CIT: variants seen among roughly 807,000 people sequenced by gnomAD.
The protein encoded by CIT is citron Rho-interacting kinase.
CIT carries 79 observed loss-of-function variants against 272.7 expected under a neutral mutation model. That is an observed-to-expected ratio of 0.29 (90% confidence interval 0.24 to 0.35). The LOEUF is 0.35. Among genes scored for constraint, CIT ranks in the 10% least tolerant of loss-of-function variants. CIT has a pLI of 1.00. For missense variants in CIT, 1,909 were observed against 2,618.3 expected (o/e 0.73, Z 5.91); for synonymous variants, 948 against 995.6 (o/e 0.95, Z 0.90).
intron 44 of CIT, chr12:119,699,997 G>A (rs1956462977): frequency 6.7e-6 from 3 of 444,606 alleles, no homozygotes; most frequent in Non-Finnish European, 1.4e-5. Context: ...TCTAACAAGT[G>A]CAAAAAGATT....
intron 3 of CIT, among the ~76,000 whole-genome samples, chr12:119,865,148 A>T (rs1326907337): frequency 6.6e-6 from 1 of 152,244 alleles, no homozygotes. Flanking sequence ...CTCTTCAAAA[A>T]TATGAAACAT....
chr12:119,738,892 A>G lies in CIT; in HGVS notation c.2958+3519T>C, dbSNP rs935486443. Among the ~76,000 whole-genome samples the G allele has an allele frequency of 9.2e-5, 14 of 152,114 alleles. No homozygotes were observed. The South Asian group carries it at 2.7e-3, about 29-fold the overall frequency. On this transcript the variant is annotated intron_variant, in intron 24 of 47. Transcript: ENST00000392521. ...GAGAGAAACTCAATCTCCAGAAAAA[A>G]AAAAAAAAAAGATCTACTCTCAGTG...
intron 10 of CIT, among the ~76,000 whole-genome samples, chr12:119,786,545 C>G (rs1964812520): frequency 6.6e-6 from 1 of 152,184 alleles, no homozygotes; most frequent in Non-Finnish European, 1.5e-5. Context: ...CAGAGCCCAC[C>G]ATTACCCCTG....
chr12:119,761,893 C>T lies in CIT; in HGVS notation c.2305-838G>A, dbSNP rs1430223428. On this transcript the variant is annotated intron_variant, in intron 19 of 47. Coordinates refer to ENST00000392521, the MANE Select transcript of CIT (RefSeq NM_001206999.2). ...GTTCTTTGGGGCACACACAGCCCTA[C>T]GAGTTGCCAAAACAACAAGCAAAAA... Among the ~76,000 whole-genome samples, 6 of 152,210 alleles carry T rather than the reference C, an allele frequency of 3.9e-5. 1 individual carries two copies. In the South Asian group the frequency reaches 1.0e-3, roughly 26 times the overall value.
At position 119,690,187 on chromosome 12, in the gene CIT, C is replaced by A; in HGVS notation, c.6150G>T (p.Ala2050=). The A allele has an allele frequency of 6.7e-7, 1 of 1,487,906 alleles. No homozygotes were observed. The allele number at this position is 1,487,906 out of a possible 1,614,324, so 92.2% of individuals were successfully genotyped here. Residue 2050 remains alanine (A), a synonymous_variant, in exon 47 of 48, where the codon GCG becomes GCT. Coordinates refer to ENST00000392521, the MANE Select transcript of CIT (RefSeq NM_001206999.2). This position sits in a 1 kb window ranked among gnomAD's most constrained non-coding sequence, Gnocchi z 6.0. ...FEDSSRGRLP[A]GAVRTPLSQV... ...GGGACAGCGGGGTCCTCACGGCTCC[C>A]GCAGGCAGCCGGCCCCTGCTGCTGT...
chr12:119,848,851 C>A (rs11064926), intron 5 of CIT, among the ~76,000 whole-genome samples: 6,864 of 152,022 alleles, frequency 0.045, 289 homozygotes, highest in African/African-American at 0.11. Context: ...CATGGCAAAA[C>A]CCCGTCTCTA....
At chr12:119,765,773 A>C (rs951461631) in intron 19 of CIT, among the ~76,000 whole-genome samples, 3 of 152,088 alleles carry the variant, frequency 2.0e-5, no homozygotes, top group Admixed American at 6.6e-5. Flanking sequence ...CACCTAGCCA[A>C]GAAATCCACA....
In CIT at chr12:119,750,241, T is replaced by C. The variant is rs137856473; in HGVS notation, c.2904+1809A>G. Reference sequence around the variant, plus strand: ...TTTAAAAGCTAAGAAATGTTATCTGTCTCTCTCCACCCACCCAACTCCCAA... The same window carrying C: ...TTTAAAAGCTAAGAAATGTTATCTGCCTCTCTCCACCCACCCAACTCCCAA... On this transcript the variant is annotated intron_variant, in intron 23 of 47. Coordinates refer to ENST00000392521, the MANE Select transcript of CIT (RefSeq NM_001206999.2). Among the ~76,000 whole-genome samples, 5 of 152,326 alleles carry C rather than the reference T, an allele frequency of 3.3e-5. No homozygotes were observed. In the East Asian group the frequency reaches 9.6e-4, roughly 29 times the overall value.
chr12:119,810,815 G>A (rs1966840990), intron 9 of CIT, among the ~76,000 whole-genome samples: 1 of 152,140 alleles, frequency 6.6e-6, no homozygotes, highest in Non-Finnish European at 1.5e-5. Flanking sequence ...GGCTGCAATG[G>A]GAAGAAGAGG....
At chr12:119,862,471 C>G (rs1046125182) in intron 3 of CIT, among the ~76,000 whole-genome samples, 1 of 152,010 alleles carries the variant, frequency 6.6e-6, no homozygotes, top group Non-Finnish European at 1.5e-5. Flanking sequence ...TTGTGCCCCT[C>G]GCCCCTACAA....
At chr12:119,787,864 A>G (rs1160827913) in intron 10 of CIT, among the ~76,000 whole-genome samples, 1 of 152,148 alleles carries the variant, frequency 6.6e-6, no homozygotes, top group African/African-American at 2.4e-5. Context: ...AACCTACTTC[A>G]AAGAGTTCTT....
Position 119,818,307 on chromosome 12 carries a change from A to G in CIT, c.1111+4513T>C, listed in dbSNP as rs184483682. Among the ~76,000 whole-genome samples the G allele has an allele frequency of 5.9e-5, 9 of 151,738 alleles. 1 individual carries two copies. Among genetic ancestry groups the G allele is most frequent in the African/African-American group, 2.2e-4 (9 of 41,380 alleles). ...ATTGTTGACCATACTAAAGGACTAG[A>G]AAAAAAAAGAAAAAACCCAAGGAGG... On this transcript the variant is annotated intron_variant, in intron 9 of 47. Coordinates refer to ENST00000392521, the MANE Select transcript of CIT (RefSeq NM_001206999.2).
At chr12:119,798,589 A>G (rs1158912449) in intron 10 of CIT, among the ~76,000 whole-genome samples, 1 of 152,132 alleles carries the variant, frequency 6.6e-6, no homozygotes, top group Non-Finnish European at 1.5e-5. Flanking sequence ...AATTCCCTCT[A>G]CCTTCCTCTC....
intron 23 of CIT, among the ~76,000 whole-genome samples, chr12:119,743,379 C>A (rs772291389): frequency 6.6e-6 from 1 of 152,096 alleles, no homozygotes; most frequent in Non-Finnish European, 1.5e-5. Context: ...GCAGAGGGAG[C>A]AGCATTTGCA....
At chr12:119,822,771 G>C (rs1387712090) in intron 9 of CIT, 49 bp downstream of exon 9, 3 of 1,589,232 alleles carry the variant, frequency 1.9e-6, no homozygotes, top group Non-Finnish European at 2.6e-6. Context: ...TCTCTCTTGA[G>C]TGTTTCATAA....
At chr12:119,815,087 C>CCACACACA (rs781036533) in intron 9 of CIT, among the ~76,000 whole-genome samples, 1 of 103,038 alleles carries the variant, frequency 9.7e-6, no homozygotes, top group African/African-American at 4.0e-5. Flanking sequence ...TGCTCACATA[C>CCACACACA]CACACACACA....
At chr12:119,858,152 T>C (rs780929349) in intron 3 of CIT, among the ~76,000 whole-genome samples, 2 of 152,162 alleles carry the variant, frequency 1.3e-5, no homozygotes, top group African/African-American at 2.4e-5. Flanking sequence ...TTTATCCCAC[T>C]AGCCCAAGGT....
chr12:119,813,257 A>C (rs1966874323), intron 9 of CIT, among the ~76,000 whole-genome samples: 1 of 152,232 alleles, frequency 6.6e-6, no homozygotes, highest in Non-Finnish European at 1.5e-5. Context: ...CTTAGATCCC[A>C]AACTGCCAGT....
intron 39 of CIT, among the ~76,000 whole-genome samples, chr12:119,709,110 G>A (rs548285656): frequency 6.6e-6 from 1 of 152,278 alleles, no homozygotes; most frequent in Admixed American, 6.5e-5. Context: ...CCAATTATGG[G>A]CAGCATAGCG....
Sources: gnomAD v4.1 joint callset for allele counts (sites outside exome capture counted in the v4.1 genomes callset) on GRCh38, gnomAD v4.1.1 for gene constraint, Gnocchi (gnomAD v3.1) non-coding constraint, MANE v1.5 for transcripts, NCBI Gene and HGNC (gene_info 2026-07-23, HGNC 2026-07-21) for gene names.